Variants in PLXNA2 observed in about 807,000 individuals in gnomAD.
PLXNA2 encodes the protein plexin-A2.
PLXNA2 carries 91 observed loss-of-function variants against 193.5 expected under a neutral mutation model. The observed-to-expected ratio is 0.47, with a 90% CI of 0.40 to 0.56. The LOEUF (loss-of-function observed/expected upper bound fraction) is 0.56, where lower values mean the gene tolerates loss of function less well. Ranked by LOEUF, PLXNA2 falls within the 20% of genes least tolerant of loss-of-function variation. PLXNA2 has a pLI of 0.00. For missense variants in PLXNA2, 1,995 were observed against 2,503.2 expected, an observed-to-expected ratio of 0.80 and a Z score of 4.33; for synonymous variants, 997 against 1,027.3, an observed-to-expected ratio of 0.97 and a Z score of 0.56.
intron 12 of PLXNA2, among the ~76,000 whole-genome samples, chr1:208,067,344 CAA>C (rs35720470): frequency 3.4e-5 from 4 of 116,318 alleles, no homozygotes; most frequent in Non-Finnish European, 3.5e-5. Context: ...AACTCCGTCT[CAA>C]AAAAAAAAAA....
At position 208,103,158 on chromosome 1, in the gene PLXNA2, G is replaced by A; in HGVS notation, c.1596C>T (p.Ala532=). Residue 532 remains alanine, a synonymous_variant, in exon 5 of 32, where the codon GCC becomes GCT. Transcript: ENST00000367033. ...SSGDPHCGWC[A]LHNMCSRRDK... is the part of the protein sequence containing the mutation. ...TACCCCAAACTTACATGTTGTGCAG[G>A]GCACACCAGCCACAGTGAGGGTCCC... 6.2e-7 allele frequency: 1 copy of A among 1,613,326 alleles called. No homozygotes were observed. Among genetic ancestry groups the A allele is most frequent in the South Asian group, 1.1e-5 (1 of 91,028 alleles).
At chr1:208,097,800 A>G (rs1054704014) in intron 6 of PLXNA2, among the ~76,000 whole-genome samples, 2 of 151,846 alleles carry the variant, frequency 1.3e-5, no homozygotes, top group African/African-American at 4.8e-5. Flanking sequence ...CATAGGGTTC[A>G]TGGTGGTGAC....
intron 3 of PLXNA2, among the ~76,000 whole-genome samples, chr1:208,145,507 C>T (rs1240353168): frequency 6.6e-6 from 1 of 152,208 alleles, no homozygotes; most frequent in African/African-American, 2.4e-5. Context: ...TACATGTTGG[C>T]CTCTACCCTC....
intron 4 of PLXNA2, among the ~76,000 whole-genome samples, chr1:208,118,114 T>C (rs1667694769): frequency 6.6e-6 from 1 of 152,238 alleles, no homozygotes; most frequent in African/African-American, 2.4e-5. Context: ...TAAGGACTGC[T>C]GTTCCTCACT....
intron 11 of PLXNA2, 45 bp from the exon 12 acceptor site, chr1:208,079,495 C>T (rs759278526): frequency 2.1e-5 from 30 of 1,415,716 alleles, no homozygotes; most frequent in Non-Finnish European, 1.3e-5. Flanking sequence ...GAAAGGGCTG[C>T]TCACAATGCA....
intron 22 of PLXNA2, among the ~76,000 whole-genome samples, chr1:208,041,602 C>G (rs1664872130): frequency 6.6e-6 from 1 of 152,352 alleles, no homozygotes; most frequent in East Asian, 1.9e-4. Context: ...CAACCAAGCA[C>G]TTAGAAAGCG....
intron 3 of PLXNA2, among the ~76,000 whole-genome samples, chr1:208,186,352 A>G (rs1478518764): frequency 2.0e-5 from 3 of 152,196 alleles, no homozygotes; most frequent in Non-Finnish European, 4.4e-5. Flanking sequence ...TAAATAGAGA[A>G]TAGAAAATGC....
intron 3 of PLXNA2, among the ~76,000 whole-genome samples, chr1:208,187,946 T>C (rs2102559070): frequency 1.3e-5 from 2 of 152,280 alleles, no homozygotes; most frequent in Middle Eastern, 6.8e-3. Context: ...GATCAATGTC[T>C]CCATTTTAGG....
At chr1:208,043,508 G>A (rs1664949464) in intron 20 of PLXNA2, among the ~76,000 whole-genome samples, 1 of 152,244 alleles carries the variant, frequency 6.6e-6, no homozygotes. Context: ...TAAAGATCAC[G>A]GAGATGCTGG....
intron 13 of PLXNA2, among the ~76,000 whole-genome samples, chr1:208,056,869 T>C (rs1479770128): frequency 6.6e-6 from 1 of 152,126 alleles, no homozygotes; most frequent in Admixed American, 6.5e-5. Context: ...GGCAGGAAGA[T>C]CTAAGAACTG....
chr1:208,100,830 C>T (rs1313820550), intron 5 of PLXNA2, among the ~76,000 whole-genome samples: 1 of 152,148 alleles, frequency 6.6e-6, no homozygotes. Context: ...AGCAGGTGGG[C>T]AGGTGACACC....
At chr1:208,052,088 G>T (rs1414321676) in intron 15 of PLXNA2, among the ~76,000 whole-genome samples, 1 of 152,148 alleles carries the variant, frequency 6.6e-6, no homozygotes, top group East Asian at 1.9e-4. Context: ...CCTCCATCTG[G>T]TGTTCTCATG....
intron 3 of PLXNA2, among the ~76,000 whole-genome samples, chr1:208,157,940 A>T (rs796371356): frequency 3.9e-5 from 6 of 152,360 alleles, no homozygotes; most frequent in African/African-American, 1.4e-4. Context: ...CAAGATCACT[A>T]GGAGCCCAGC....
At chr1:208,192,076 G>A (rs994267538) in intron 3 of PLXNA2, among the ~76,000 whole-genome samples, 2 of 152,168 alleles carry the variant, frequency 1.3e-5, no homozygotes, top group African/African-American at 4.8e-5. Flanking sequence ...TTGATTTGGA[G>A]CTACCTCTTC....
intron 3 of PLXNA2, among the ~76,000 whole-genome samples, chr1:208,192,469 C>T (rs1021733573): frequency 1.3e-5 from 2 of 151,906 alleles, no homozygotes; most frequent in Admixed American, 1.3e-4. Context: ...AACAAAAAAA[C>T]CATACTCCTA....
At position 208,177,924 on chromosome 1, in the gene PLXNA2, G is replaced by A. The variant is rs116457673; in HGVS notation, c.1371+32356C>T. On this transcript the variant is annotated intron_variant, in intron 3 of 31. Transcript: ENST00000367033. ...AGAATCACTGGGCTAGACTTTGCCC[G>A]TCTCTGGTTATCTGTGTACAGTGTG... Among the ~76,000 whole-genome samples the A allele has an allele frequency of 9.2e-3, 1,409 of 152,352 alleles. 20 individuals are homozygous for A. The highest frequency in any genetic ancestry group is 0.032 in the African/African-American group (1,316 of 41,572).
In PLXNA2 at chr1:208,046,056, TA is replaced by T; in HGVS notation, c.3316del (p.Tyr1106ThrfsTer25). 1 of 1,614,222 alleles carries T rather than the reference TA, an allele frequency of 6.2e-7. No individual in the cohort carries two copies. Among genetic ancestry groups the T allele is most frequent in the Non-Finnish European group, 8.5e-7 (1 of 1,180,032 alleles). Reference protein sequence around the residue: ...TCLAPSLTTDYRPGLDTVERP... With the variant: ...TCLAPSLTTDXRPGLDTVERP... ...TTCCACAGTGTCCAGGCCAGGGCGGTAGTCCGTGGTCAGAGAGGGTGCCAGG... is the reference window on the plus strand; with the variant it reads ...TTCCACAGTGTCCAGGCCAGGGCGGTGTCCGTGGTCAGAGAGGGTGCCAGG... On this transcript the variant is annotated frameshift_variant, in exon 18 of 32. Coordinates refer to ENST00000367033, the MANE Select transcript of PLXNA2 (RefSeq NM_025179.4). LOFTEE classifies it high-confidence loss of function.
Position 208,070,915 on chromosome 1 carries a change from C to T in PLXNA2, c.2586+8345G>A, listed in dbSNP as rs568594744. 1.8e-3 allele frequency among the ~76,000 whole-genome samples: 268 copies of T among 152,038 alleles called. 2 individuals are homozygous for T. Among genetic ancestry groups the T allele is most frequent in the Non-Finnish European group, 3.2e-3 (219 of 67,974 alleles). ...GAGGGAAGCTGGGTTAGCTGAGGTC[C>T]AAAGGAAAAGTAGCTTTGTTTTCAC... is the stretch of plus-strand genomic sequence containing the variant. On this transcript the variant is annotated intron_variant, in intron 12 of 31. Coordinates refer to ENST00000367033, the MANE Select transcript of PLXNA2 (RefSeq NM_025179.4).
chr1:208,162,327 T>G (rs964509617), intron 3 of PLXNA2, among the ~76,000 whole-genome samples: 1 of 152,194 alleles, frequency 6.6e-6, no homozygotes, highest in Non-Finnish European at 1.5e-5. Flanking sequence ...ATAGCATTTG[T>G]ATTGGAGCAG....
Sources: gnomAD v4.1 joint callset for allele counts (sites outside exome capture counted in the v4.1 genomes callset) on GRCh38, gnomAD v4.1.1 for gene constraint, MANE v1.5 for transcripts, NCBI Gene and HGNC (gene_info 2026-07-23, HGNC 2026-07-21) for gene names.